The following LOC400499 variants were observed in gnomAD, a reference collection of about 807,000 sequenced individuals.
the LOC400499 span, among the ~76,000 whole-genome samples, chr16:11,489,692 G>A: frequency 6.6e-6 from 1 of 152,300 alleles, no homozygotes; most frequent in South Asian, 2.1e-4. Flanking sequence ...CACTGTGGAG[G>A]CTGAGCCCCT....
At chr16:11,516,211 G>A in the LOC400499 span, 3 of 399,514 alleles carry the variant, frequency 7.5e-6, no homozygotes, top group East Asian at 3.6e-5. Flanking sequence ...CACGCTTCAC[G>A]TTCAGCACCC....
At chr16:11,392,475 G>T in the LOC400499 span, 6,037 of 399,018 alleles carry the variant, frequency 0.015, 163 homozygotes, top group African/African-American at 0.058. Flanking sequence ...GCACATGCCC[G>T]CAGCACCACA....
chr16:11,441,137 G>A, the LOC400499 span: 5 of 398,532 alleles, frequency 1.3e-5, no homozygotes, highest in Non-Finnish European at 1.3e-5. Context: ...TGTGCCTGCA[G>A]AAGCTACCCT....
At chr16:11,512,801 G>T in the LOC400499 span, among the ~76,000 whole-genome samples, 1 of 152,126 alleles carries the variant, frequency 6.6e-6, no homozygotes, top group Non-Finnish European at 1.5e-5. Context: ...GTCCTGGCAA[G>T]CCTGGATGCC....
At chr16:11,411,235 G>C in the LOC400499 span, 55 of 399,418 alleles carry the variant, frequency 1.4e-4, no homozygotes, top group Non-Finnish European at 2.1e-4. Context: ...AGGCAGCTGG[G>C]GCACAGTTAC....
the LOC400499 span, chr16:11,384,934 G>A: frequency 4.1e-6 from 5 of 1,232,026 alleles, no homozygotes; most frequent in African/African-American, 4.7e-5. Context: ...CGGTGGGCAC[G>A]TCACAGGAGA....
chr16:11,408,951 TA>T, the LOC400499 span, among the ~76,000 whole-genome samples: 3 of 151,994 alleles, frequency 2.0e-5, no homozygotes, highest in Non-Finnish European at 2.9e-5. Context: ...TTTTAGTGTC[TA>T]AAAAATTGTA....
chr16:11,520,430 G>A, the LOC400499 span, among the ~76,000 whole-genome samples: 1 of 152,166 alleles, frequency 6.6e-6, no homozygotes, highest in Non-Finnish European at 1.5e-5. Flanking sequence ...GCCGAGGTGG[G>A]CAGATCACTT....
At chr16:11,449,148 C>A in the LOC400499 span, 1 of 1,356,268 alleles carries the variant, frequency 7.4e-7, no homozygotes, top group Non-Finnish European at 9.7e-7. Flanking sequence ...CTTTGCACAC[C>A]CTATTTCCTC....
the LOC400499 span, chr16:11,440,642 G>C: frequency 1.3e-5 from 5 of 398,272 alleles, no homozygotes; most frequent in East Asian, 3.6e-5. Flanking sequence ...CACCTCCTCA[G>C]ACATCTCATA....
chr16:11,523,760 A>G, the LOC400499 span, among the ~76,000 whole-genome samples: 1 of 151,942 alleles, frequency 6.6e-6, no homozygotes, highest in Non-Finnish European at 1.5e-5. Context: ...TCACTACCTG[A>G]GTCCAATATG....
At chr16:11,501,827 C>G in the LOC400499 span, among the ~76,000 whole-genome samples, 1 of 152,140 alleles carries the variant, frequency 6.6e-6, no homozygotes, top group East Asian at 1.9e-4. Flanking sequence ...CTGTCTTTAT[C>G]CGCCAGGCCC....
chr16:11,456,804 C>G, the LOC400499 span: 1 of 1,526,296 alleles, frequency 6.6e-7, no homozygotes, highest in Non-Finnish European at 8.8e-7. Flanking sequence ...GAGCAAAGGC[C>G]TGGAGATCAG....
the LOC400499 span, among the ~76,000 whole-genome samples, chr16:11,420,215 A>C: frequency 0.19 from 28,160 of 149,512 alleles, 3,280 homozygotes; most frequent in African/African-American, 0.33. Context: ...CTATCATAGA[A>C]TGGATTAAGA....
the LOC400499 span, among the ~76,000 whole-genome samples, chr16:11,520,395 G>C: frequency 3.3e-5 from 5 of 152,132 alleles, no homozygotes; most frequent in East Asian, 9.6e-4. Flanking sequence ...AGTGGCTCAC[G>C]CCTGTAATCC....
the LOC400499 span, among the ~76,000 whole-genome samples, chr16:11,470,423 T>C: frequency 2.0e-5 from 3 of 152,156 alleles, no homozygotes; most frequent in African/African-American, 7.2e-5. Flanking sequence ...TCACCTGAAA[T>C]TGCACATCTC....
the LOC400499 span, chr16:11,393,319 G>T: frequency 8.7e-7 from 1 of 1,148,142 alleles, no homozygotes; most frequent in Non-Finnish European, 1.1e-6. Context: ...TTAACGCCCA[G>T]ACCCCCGTCC....
chr16:11,500,409 G>A, the LOC400499 span, among the ~76,000 whole-genome samples: 2 of 152,064 alleles, frequency 1.3e-5, no homozygotes, highest in East Asian at 3.9e-4. Context: ...TACTTGGGAG[G>A]CTGAGGCAGA....
At chr16:11,492,573 AGG>A in the LOC400499 span, among the ~76,000 whole-genome samples, 3 of 152,006 alleles carry the variant, frequency 2.0e-5, no homozygotes, top group African/African-American at 7.3e-5. Flanking sequence ...TCATGAGGTC[AGG>A]AGATCGAGAC....
Sources: gnomAD v4.1 joint callset for allele counts (sites outside exome capture counted in the v4.1 genomes callset) on GRCh38, gnomAD v4.1.1 for gene constraint, MANE v1.5 for transcripts.